TSPAN9: variants seen among roughly 807,000 people sequenced by gnomAD.
The protein encoded by TSPAN9 is tetraspanin-9.
A neutral mutation model predicts 31.0 loss-of-function variants in TSPAN9; 16 were observed. The observed-to-expected ratio is 0.52, with a 90% CI of 0.35 to 0.78. The LOEUF is 0.78. TSPAN9 is among the 30% of genes least tolerant of loss of function. The probability of loss-of-function intolerance (pLI) is 0.01; values close to 1 mark genes in which losing one functional copy is unlikely to be tolerated. For synonymous variants in TSPAN9, 145 were observed against 121.6 expected, an observed-to-expected ratio of 1.19 and a Z score of -1.27; for missense variants, 272 against 312.5, an observed-to-expected ratio of 0.87 and a Z score of 0.98.
At chr12:3,095,711 G>A (rs1194950932) in intron 2 of TSPAN9, among the ~76,000 whole-genome samples, 1 of 151,460 alleles carries the variant, frequency 6.6e-6, no homozygotes, top group Non-Finnish European at 1.5e-5. Context: ...CGGCGGGGCA[G>A]AGGCGCTCCC....
chr12:3,263,967 G>A (rs1481311535), intron 3 of TSPAN9, among the ~76,000 whole-genome samples: 1 of 152,182 alleles, frequency 6.6e-6, no homozygotes, highest in Non-Finnish European at 1.5e-5. Flanking sequence ...TGTGAACCGG[G>A]TTTACAATGA....
chr12:3,146,023 C>T (rs1161381560), intron 2 of TSPAN9, among the ~76,000 whole-genome samples: 1 of 152,248 alleles, frequency 6.6e-6, no homozygotes, highest in Non-Finnish European at 1.5e-5. Flanking sequence ...CCACGAGGCT[C>T]CCGCAGGCAC....
chr12:3,124,339 TA>T (rs537914787), intron 2 of TSPAN9, among the ~76,000 whole-genome samples: 30 of 152,334 alleles, frequency 2.0e-4, no homozygotes, highest in African/African-American at 6.7e-4. Flanking sequence ...AAAGTAGTTA[TA>T]TTTTTTCATT....
chr12:3,141,916 C>G (rs1375218820), intron 2 of TSPAN9, among the ~76,000 whole-genome samples: 1 of 152,216 alleles, frequency 6.6e-6, no homozygotes, highest in East Asian at 1.9e-4. Context: ...AGGACCCCAT[C>G]CCAAGTTGTC....
intron 1 of TSPAN9, among the ~76,000 whole-genome samples, chr12:3,082,212 A>G (rs2098298310): frequency 1.3e-5 from 2 of 152,190 alleles, no homozygotes; most frequent in South Asian, 4.1e-4. Flanking sequence ...GCATGCAGCA[A>G]GTGGTGGTGG....
intron 2 of TSPAN9, among the ~76,000 whole-genome samples, chr12:3,171,425 G>A (rs1000246139): frequency 6.6e-6 from 1 of 152,036 alleles, no homozygotes; most frequent in Non-Finnish European, 1.5e-5. Context: ...TTTCCATAAT[G>A]CCAGCCCCAA....
chr12:3,095,923 C>T (rs1442212571), intron 2 of TSPAN9, among the ~76,000 whole-genome samples: 1 of 149,956 alleles, frequency 6.7e-6, no homozygotes, highest in Non-Finnish European at 1.5e-5. Flanking sequence ...TCCTCACTTC[C>T]CAGACGGGGT....
At chr12:3,245,465 A>T (rs1013786671) in intron 3 of TSPAN9, among the ~76,000 whole-genome samples, 10 of 152,172 alleles carry the variant, frequency 6.6e-5, no homozygotes, top group African/African-American at 1.9e-4. Context: ...AAGCAAGTTG[A>T]GTTGGCAGCC....
At chr12:3,224,835 A>G (rs960336377) in intron 3 of TSPAN9, among the ~76,000 whole-genome samples, 4 of 152,148 alleles carry the variant, frequency 2.6e-5, no homozygotes, top group African/African-American at 9.7e-5. Context: ...CTGTCTGGTA[A>G]AAGCAGATTT....
chr12:3,260,582 C>T (rs374739057), intron 3 of TSPAN9, among the ~76,000 whole-genome samples: 11 of 152,310 alleles, frequency 7.2e-5, no homozygotes, highest in African/African-American at 1.9e-4. Context: ...CTACTCTACG[C>T]GAGGCACCGT....
At chr12:3,145,017 T>C (rs2098336496) in intron 2 of TSPAN9, among the ~76,000 whole-genome samples, 1 of 152,250 alleles carries the variant, frequency 6.6e-6, no homozygotes, top group Non-Finnish European at 1.5e-5. Flanking sequence ...TGTTTCCTTG[T>C]GCAGAGAGCT....
chr12:3,079,649 A>G (rs2098296818), intron 1 of TSPAN9, among the ~76,000 whole-genome samples: 1 of 151,904 alleles, frequency 6.6e-6, no homozygotes, highest in African/African-American at 2.4e-5. Flanking sequence ...TTTAGTAGAG[A>G]TGGAGTTTCG....
intron 2 of TSPAN9, among the ~76,000 whole-genome samples, chr12:3,093,962 A>G (rs2098306398): frequency 1.3e-5 from 2 of 152,238 alleles, no homozygotes; most frequent in Admixed American, 6.5e-5. Context: ...TCCTGGGCTC[A>G]AGCAATCCTC....
intron 3 of TSPAN9, among the ~76,000 whole-genome samples, chr12:3,264,183 G>T (rs2153979338): frequency 6.6e-6 from 1 of 152,214 alleles, no homozygotes; most frequent in South Asian, 2.1e-4. Context: ...TGGGGCCAGA[G>T]GGAGGCAGGT....
Position 3,231,298 on chromosome 12 carries a change from G to A in TSPAN9, c.63+30042G>A, listed in dbSNP as rs184449349. Among the ~76,000 whole-genome samples, 17 of 152,086 alleles carry A rather than the reference G, an allele frequency of 1.1e-4. No individual in the cohort carries two copies. The East Asian group carries it at 3.3e-3, about 29-fold the overall frequency. On this transcript the variant is annotated intron_variant, in intron 3 of 8. Transcript: ENST00000011898. ...TTGGGCCAGGCACTGCCCCTTTTTG[G>A]GCCTCAGAATTCCTGTCAGTTCACT... is the stretch of plus-strand genomic sequence containing the variant.
intron 2 of TSPAN9, among the ~76,000 whole-genome samples, chr12:3,144,071 G>C (rs1484616218): frequency 3.3e-5 from 5 of 151,884 alleles, no homozygotes; most frequent in Non-Finnish European, 5.9e-5. Flanking sequence ...AATCACGAGT[G>C]TGTGCTGATA....
chr12:3,170,517 T>G lies in TSPAN9; in HGVS notation c.-17-30660T>G, dbSNP rs1379376484. ...TTTTTCTGTTCCTCCTTGTCAAAAT[T>G]ACATTGTTGGAAACAAAATCTGATC... On this transcript the variant is annotated intron_variant, in intron 2 of 8. Transcript: ENST00000011898. The surrounding 1 kb of genome is among the most constrained non-coding windows in gnomAD (Gnocchi z 4.4). Among the ~76,000 whole-genome samples, 1 of 151,874 alleles carries G rather than the reference T, an allele frequency of 6.6e-6. No homozygotes were observed. Among genetic ancestry groups the G allele is most frequent in the African/African-American group, 2.4e-5 (1 of 41,340 alleles).
At chr12:3,251,642 T>G (rs1299653959) in intron 3 of TSPAN9, among the ~76,000 whole-genome samples, 1 of 152,232 alleles carries the variant, frequency 6.6e-6, no homozygotes, top group Non-Finnish European at 1.5e-5. Flanking sequence ...GAGGTTCTTT[T>G]GTTGCAAAGG....
intron 3 of TSPAN9, among the ~76,000 whole-genome samples, chr12:3,275,313 G>C (rs867546114): frequency 2.0e-5 from 3 of 152,196 alleles, no homozygotes; most frequent in Non-Finnish European, 4.4e-5. Context: ...TTCCAGGCCC[G>C]AGAAGGGTCC....
Sources: gnomAD v4.1 joint callset for allele counts (sites outside exome capture counted in the v4.1 genomes callset) on GRCh38, gnomAD v4.1.1 for gene constraint, Gnocchi (gnomAD v3.1) non-coding constraint, MANE v1.5 for transcripts, NCBI Gene and HGNC (gene_info 2026-07-23, HGNC 2026-07-21) for gene names.